The following CNTLN variants were observed in gnomAD, a reference collection of about 807,000 sequenced individuals.
CNTLN encodes the protein centlein, also known as centlein, centrosomal protein.
CNTLN carries 212 observed loss-of-function variants against 180.0 expected under a neutral mutation model. The ratio of observed to expected loss-of-function variants is 1.18; its 90% CI spans 1.05 to 1.32. CNTLN has a LOEUF of 1.32. Ranked by LOEUF, CNTLN falls within the 40% of genes most tolerant of loss-of-function variation. The pLI is 0.00. For missense variants in CNTLN, 2,095 were observed against 1,610.9 expected (o/e 1.30, Z -5.14); for synonymous variants, 722 against 563.1 (o/e 1.28, Z -3.99).
intron 19 of CNTLN, among the ~76,000 whole-genome samples, chr9:17,461,309 T>C (rs1328093401): frequency 6.6e-6 from 1 of 151,644 alleles, no homozygotes; most frequent in Non-Finnish European, 1.5e-5. Flanking sequence ...CTTCAATTAT[T>C]TGATAAATTG....
At chr9:17,461,817 A>G (rs1831465013) in intron 19 of CNTLN, among the ~76,000 whole-genome samples, 1 of 151,656 alleles carries the variant, frequency 6.6e-6, no homozygotes, top group South Asian at 2.1e-4. Flanking sequence ...TGTCAACACT[A>G]TCTTGAGTGT....
intron 10 of CNTLN, among the ~76,000 whole-genome samples, chr9:17,339,703 C>T (rs1410984518): frequency 6.6e-6 from 1 of 152,130 alleles, no homozygotes; most frequent in African/African-American, 2.4e-5. Context: ...TTGAAATTCT[C>T]ATGAGGGAAG....
chr9:17,219,942 G>A (rs1824019067), intron 2 of CNTLN, among the ~76,000 whole-genome samples: 1 of 151,814 alleles, frequency 6.6e-6, no homozygotes, highest in South Asian at 2.1e-4. Context: ...TCATGAAGGA[G>A]TAATCCTCAT....
At chr9:17,327,570 A>G (rs937795413) in intron 8 of CNTLN, among the ~76,000 whole-genome samples, 8 of 150,988 alleles carry the variant, frequency 5.3e-5, no homozygotes, top group Non-Finnish European at 1.2e-4. Flanking sequence ...TTGTGAAGAG[A>G]CTTTTATTTA....
chr9:17,465,897 C>T (rs1831716214), intron 21 of CNTLN, 84 bp from the exon 22 acceptor site: 1 of 998,692 alleles, frequency 1.0e-6, no homozygotes. Context: ...GACTCATTCA[C>T]TCATTTAGTT....
rs376888820 is a variant in CNTLN at position 17,314,745 on chromosome 9, T to A, written c.1341+5493T>A. On this transcript the variant is annotated intron_variant, in intron 8 of 25. Transcript: ENST00000380647. ...TCCAACTATCAGTTCTTATCTAGATTCTGCCTACATTTGATCATTCTCTGT... is the reference window on the plus strand; with the variant it reads ...TCCAACTATCAGTTCTTATCTAGATACTGCCTACATTTGATCATTCTCTGT... 6.6e-5 allele frequency among the ~76,000 whole-genome samples: 10 copies of A among 152,350 alleles called. No homozygotes were observed. In the South Asian group the frequency reaches 1.2e-3, roughly 19 times the overall value.
intron 10 of CNTLN, among the ~76,000 whole-genome samples, chr9:17,339,162 A>T (rs1821281859): frequency 6.6e-6 from 1 of 152,216 alleles, no homozygotes; most frequent in Admixed American, 6.5e-5. Context: ...AACAAGACTC[A>T]AATACTTCTT....
At chr9:17,504,755 G>T (rs1564160218), downstream of CNTLN, among the ~76,000 whole-genome samples, 1 of 152,158 alleles carries the variant, frequency 6.6e-6, no homozygotes, top group Non-Finnish European at 1.5e-5. Context: ...ATGAGCCAAA[G>T]GATGTGGATG....
intron 15 of CNTLN, among the ~76,000 whole-genome samples, chr9:17,398,659 T>A (rs1026194483): frequency 1.3e-5 from 2 of 152,202 alleles, no homozygotes; most frequent in African/African-American, 4.8e-5. Context: ...TTAAGTTGTT[T>A]CTTTTTTATT....
At chr9:17,417,132 T>C (rs897324270) in intron 18 of CNTLN, among the ~76,000 whole-genome samples, 15 of 152,268 alleles carry the variant, frequency 9.9e-5, no homozygotes, top group Non-Finnish European at 1.8e-4. Flanking sequence ...GGCTTGGCCA[T>C]TGGAAATGTG....
chr9:17,441,144 G>A (rs1220513807), intron 18 of CNTLN, among the ~76,000 whole-genome samples: 1 of 152,138 alleles, frequency 6.6e-6, no homozygotes, highest in Non-Finnish European at 1.5e-5. Flanking sequence ...AAGTGAAAGA[G>A]ACTTTCCCAG....
rs568161927 is a variant in CNTLN at position 17,157,649 on chromosome 9, C to T, written c.449+14273C>T. Among the ~76,000 whole-genome samples the T allele has an allele frequency of 4.0e-4, 61 of 152,128 alleles. 1 individual carries two copies. The highest frequency in any genetic ancestry group is 1.3e-3 in the African/African-American group (52 of 41,520). On this transcript the variant is annotated intron_variant, in intron 2 of 25. Coordinates refer to ENST00000380647, the MANE Select transcript of CNTLN (RefSeq NM_017738.4). ...CTCTCCAATGTTGGTGGCCATCATC[C>T]GGTCATTTGAGGCCTGAATAGAACA...
intron 25 of CNTLN, chr9:17,487,283 C>G (rs1330103896): frequency 5.8e-6 from 3 of 513,628 alleles, no homozygotes; most frequent in Non-Finnish European, 1.0e-5. Flanking sequence ...CAACATGGGT[C>G]TTAGCAAATG....
At chr9:17,281,218 G>A (rs10962996) in intron 6 of CNTLN, among the ~76,000 whole-genome samples, 38,768 of 151,740 alleles carry the variant, frequency 0.26, 5,075 homozygotes, top group South Asian at 0.36. Flanking sequence ...ATTGCATTTC[G>A]TTTTTCTTAA....
chr9:17,309,235 C>A lies in CNTLN; in HGVS notation c.1324C>A (p.Pro442Thr). ...APLPLPQESDPDYSAQVPHRP... is the reference protein window; with the variant it reads ...APLPLPQESDTDYSAQVPHRP... ...TCTTCCTTTACCTCAAGAAAGTGAT[C>A]CAGACTACTCAGCACAGGTGAGAGA... The change falls in exon 8 of 26, where the codon CCA becomes ACA. Residue 442 changes from proline (P) to threonine (T), a missense_variant. By Grantham distance (38) the Pro-to-Thr change is conservative (BLOSUM62 -1). Coordinates refer to ENST00000380647, the MANE Select transcript of CNTLN (RefSeq NM_017738.4). 3.1e-6 allele frequency: 5 copies of A among 1,593,368 alleles called. No homozygotes were observed. Among genetic ancestry groups the A allele is most frequent in the Non-Finnish European group, 4.3e-6 (5 of 1,170,698 alleles).
intron 2 of CNTLN, among the ~76,000 whole-genome samples, chr9:17,221,961 A>C (rs1824166252): frequency 6.6e-6 from 1 of 151,856 alleles, no homozygotes; most frequent in Non-Finnish European, 1.5e-5. Context: ...GTTTATATTT[A>C]CCTAAGGCCG....
At chr9:17,523,989 G>A in the CNTLN span, among the ~76,000 whole-genome samples, 3 of 152,098 alleles carry the variant, frequency 2.0e-5, no homozygotes, top group African/African-American at 7.2e-5. Context: ...TCTTAGAAAC[G>A]TCCCTTTACT....
intron 12 of CNTLN, among the ~76,000 whole-genome samples, chr9:17,356,000 C>G (rs1460563674): frequency 6.7e-6 from 1 of 149,092 alleles, no homozygotes; most frequent in African/African-American, 2.5e-5. Context: ...GGAGGTGGAG[C>G]TTGCAGTGAG....
chr9:17,273,995 A>C (rs999593825), intron 6 of CNTLN, 129 bp downstream of exon 6: 1 of 729,298 alleles, frequency 1.4e-6, no homozygotes, highest in African/African-American at 1.9e-5. Flanking sequence ...ATGTTTGTGC[A>C]TTGAGAATCT....
Sources: gnomAD v4.1 joint callset for allele counts (sites outside exome capture counted in the v4.1 genomes callset) on GRCh38, gnomAD v4.1.1 for gene constraint, MANE v1.5 for transcripts, NCBI Gene and HGNC (gene_info 2026-07-23, HGNC 2026-07-21) for gene names.